The following DYNC1H1 variants were observed in gnomAD, a reference collection of about 807,000 sequenced individuals.
DYNC1H1 encodes cytoplasmic dynein 1 heavy chain 1.
A neutral mutation model predicts 527.1 loss-of-function variants in DYNC1H1; 51 were observed. The observed-to-expected ratio is 0.10, with a 90% confidence interval of 0.08 to 0.12. The LOEUF (loss-of-function observed/expected upper bound fraction) is 0.12, where lower values mean the gene tolerates loss of function less well. Among genes scored for constraint, DYNC1H1 ranks in the 10% least tolerant of loss-of-function variants. The pLI is 1.00. For synonymous variants in DYNC1H1, 2,189 were observed against 2,278.8 expected (o/e 0.96, Z 1.12); for missense variants, 2,771 against 5,971.8 (o/e 0.46, Z 17.66).
chr14:102,012,644 A>G lies in DYNC1H1; in HGVS notation c.7014+174A>G. ...ACTGCTAGATTTTTTTTCCATTTCC[A>G]TGGCTAGTGAGAAACATTTTAATAG... On this transcript the variant is annotated intron_variant, in intron 34 of 77. Transcript: ENST00000360184. This position sits in a 1 kb window ranked among gnomAD's most constrained non-coding sequence, Gnocchi z 4.9. The G allele has an allele frequency of 1.2e-6, 1 of 829,568 alleles. No individual in the cohort carries two copies. Among genetic ancestry groups the G allele is most frequent in the Non-Finnish European group, 2.0e-6 (1 of 509,654 alleles). 51.4% of individuals were successfully genotyped at this position (829,568 alleles called of 1,614,324 possible).
rs1474860778 is a variant in DYNC1H1, at chr14:102,052,731, C to G, written c.*2168C>G. ...GGGAGTGAGGAAGGGCTCGGCGGCC[C>G]TGGGGGTCTGGTCCTCCTCCGCCAT... On this transcript the variant is annotated 3_prime_UTR_variant, in exon 78 of 78. Transcript: ENST00000360184. The G allele has an allele frequency of 6.6e-6, 1 of 152,338 alleles. No individual in the cohort carries two copies. The highest frequency in any genetic ancestry group is 1.5e-5 in the Non-Finnish European group (1 of 68,128). 9.4% of individuals were successfully genotyped at this position (152,338 alleles called of 1,614,324 possible).
chr14:101,991,007 CAAAAAAA>C (rs113053648), intron 10 of DYNC1H1, among the ~76,000 whole-genome samples: 1 of 68,428 alleles, frequency 1.5e-5, no homozygotes, highest in South Asian at 4.3e-4. Context: ...GACTCCGTCT[CAAAAAAA>C]AAAAAAAAAA....
chr14:102,014,530 C>CAA (rs35266808), intron 34 of DYNC1H1, among the ~76,000 whole-genome samples: 50 of 114,500 alleles, frequency 4.4e-4, no homozygotes, highest in East Asian at 7.7e-4. Flanking sequence ...AACTCCATCT[C>CAA]AAAAAAAAAA....
intron 2 of DYNC1H1, among the ~76,000 whole-genome samples, chr14:101,978,085 C>T (rs1044364673): frequency 2.0e-5 from 3 of 152,156 alleles, no homozygotes; most frequent in Non-Finnish European, 2.9e-5. Context: ...GACGAAGTCT[C>T]GCTCTGTCGC....
chr14:102,047,063 G>A (rs1214200952), intron 72 of DYNC1H1, among the ~76,000 whole-genome samples: 5 of 140,858 alleles, frequency 3.5e-5, no homozygotes, highest in Non-Finnish European at 4.8e-5. Context: ...CCACAGTGCT[G>A]GGACTGTGGG....
chr14:102,020,068 C>T lies in DYNC1H1; in HGVS notation c.8507+12C>T. On this transcript the variant is annotated intron_variant, in intron 42 of 77. Coordinates refer to ENST00000360184, the MANE Select transcript of DYNC1H1 (RefSeq NM_001376.5). This position sits in a 1 kb window ranked among gnomAD's most constrained non-coding sequence, Gnocchi z 4.3. ...CTCTTCCAAGATAGGTAAGGGAAGC[C>T]GAGGATCCAGTTGGTCCCATTCTCC... is the stretch of plus-strand genomic sequence containing the variant. 2.5e-6 allele frequency: 4 copies of T among 1,613,854 alleles called. No homozygotes were observed. Among genetic ancestry groups the T allele is most frequent in the South Asian group, 1.1e-5 (1 of 91,068 alleles).
rs1335711922 is a variant in DYNC1H1 at position 102,000,086 on chromosome 14, A to G, written c.3902A>G (p.Lys1301Arg). The G allele has an allele frequency of 6.2e-7, 1 of 1,614,208 alleles. No homozygotes were observed. The highest frequency in any genetic ancestry group is 1.7e-5 in the Admixed American group (1 of 60,022). ...GACAGAGAGAAGTGTGCAAAGGCCAAGGAGGCGCTGGAATTGACAGATACT... is the reference window on the plus strand; with the variant it reads ...GACAGAGAGAAGTGTGCAAAGGCCAGGGAGGCGCTGGAATTGACAGATACT... ...KDDREKCAKA[K>R]EALELTDTGL... The change falls in exon 17 of 78, where the codon AAG (lysine) becomes AGG (arginine). Residue 1301 changes from lysine (K) to arginine (R), a missense_variant. Coordinates refer to ENST00000360184, the MANE Select transcript of DYNC1H1 (RefSeq NM_001376.5).
rs2048463341 is a variant in DYNC1H1, at chr14:102,027,441, G to A, written c.8945G>A (p.Arg2982His). 3.7e-6 allele frequency: 6 copies of A among 1,614,144 alleles called. No individual in the cohort carries two copies. The highest frequency in any genetic ancestry group is 5.1e-6 in the Non-Finnish European group (6 of 1,180,034). ...FDEDLRTVLR[R>H]SGCKNEKIAF... Reference sequence around the variant, plus strand: ...GAAGATCTACGGACAGTGTTGAGACGTTCTGGCTGTAAAAATGAAAAGATA... The same window carrying A: ...GAAGATCTACGGACAGTGTTGAGACATTCTGGCTGTAAAAATGAAAAGATA... Residue 2982 changes from arginine to histidine, a missense_variant, in exon 46 of 78, where the codon CGT becomes CAT. Around this residue, in one of 32 missense-constraint regions of DYNC1H1, gnomAD observed 84 missense variants for 285.4 expected, o/e 0.29. Coordinates refer to ENST00000360184, the MANE Select transcript of DYNC1H1 (RefSeq NM_001376.5). This position sits in a 1 kb window ranked among gnomAD's most constrained non-coding sequence, Gnocchi z 7.7.
chr14:102,030,055 A>AGTGT (rs1429604472), intron 50 of DYNC1H1, 107 bp from the exon 51 acceptor site: 1 of 1,560,750 alleles, frequency 6.4e-7, no homozygotes, highest in African/African-American at 1.7e-5. Context: ...GGAGGGAGAG[A>AGTGT]GAGTGTGTGT....
intron 62 of DYNC1H1, 94 bp from the exon 63 acceptor site, chr14:102,040,142 G>A: frequency 6.5e-7 from 1 of 1,543,342 alleles, no homozygotes; most frequent in South Asian, 1.1e-5. Context: ...ACTGTGCCCG[G>A]CCTGTTTTCT....
intron 29 of DYNC1H1, among the ~76,000 whole-genome samples, chr14:102,008,801 C>T (rs1019206161): frequency 6.6e-6 from 1 of 152,070 alleles, no homozygotes; most frequent in Non-Finnish European, 1.5e-5. Context: ...AAAAAGAAAC[C>T]CAGGACTGTA....
intron 18 of DYNC1H1, 76 bp downstream of exon 18, chr14:102,000,475 G>A: frequency 7.3e-7 from 1 of 1,361,494 alleles, no homozygotes; most frequent in East Asian, 2.4e-5. Flanking sequence ...GACAAGCCAA[G>A]TTTGTGTATT....
Position 102,044,129 on chromosome 14 carries a change from T to C in DYNC1H1, c.12684+84T>C, listed in dbSNP as rs1398774218. On this transcript the variant is annotated intron_variant, in intron 70 of 77. Transcript: ENST00000360184. This position sits in a 1 kb window ranked among gnomAD's most constrained non-coding sequence, Gnocchi z 7.1. ...GGCGTGGTGCTGAGAGGCCAGACTC[T>C]GCGTGGAAGAGCGAGCTGACCCCTC... is the stretch of plus-strand genomic sequence containing the variant. 49 of 1,593,506 alleles carry C rather than the reference T, an allele frequency of 3.1e-5. No homozygotes were observed. The highest frequency in any genetic ancestry group is 4.1e-5 in the Non-Finnish European group (48 of 1,173,576).
chr14:101,993,693 G>T (rs2048024256), intron 11 of DYNC1H1, among the ~76,000 whole-genome samples: 1 of 152,062 alleles, frequency 6.6e-6, no homozygotes, highest in Admixed American at 6.6e-5. Flanking sequence ...GGCCTTTCCT[G>T]ACGTCATTAC....
At position 102,044,394 on chromosome 14, in the gene DYNC1H1, C is replaced by T; in HGVS notation, c.12805C>T (p.Leu4269=). The T allele has an allele frequency of 6.2e-7, 1 of 1,614,188 alleles. No homozygotes were observed. Among genetic ancestry groups the T allele is most frequent in the Non-Finnish European group, 8.5e-7 (1 of 1,180,038 alleles). ...TGACCAGCGTCTGCTCAACACCTTC[C>T]TGGAGCGCCTGTTCACAACCAGGAG... The part of the protein sequence containing the change: ...EFDQRLLNTF[L]ERLFTTRSFD... Residue 4269 remains leucine (L), a synonymous_variant, in exon 71 of 78, where the codon CTG becomes TTG. Transcript: ENST00000360184. This position sits in a 1 kb window ranked among gnomAD's most constrained non-coding sequence, Gnocchi z 7.1.
At chr14:102,000,543 T>C in intron 18 of DYNC1H1, 144 bp downstream of exon 18, 1 of 764,488 alleles carries the variant, frequency 1.3e-6, no homozygotes, top group South Asian at 1.6e-5. Context: ...ACATTATTCG[T>C]CCAAAATACT....
intron 1 of DYNC1H1, among the ~76,000 whole-genome samples, chr14:101,971,084 TC>T (rs1321354209): frequency 1.5e-5 from 2 of 136,074 alleles, no homozygotes; most frequent in Non-Finnish European, 3.1e-5. Flanking sequence ...GCCGTATCAT[TC>T]TTTTTTTTTT....
rs1466858325 is a variant in DYNC1H1 at position 102,048,480 on chromosome 14, T to C, written c.13219-36T>C. ...ACCTTTACACTGGAGAAAGGACCTC[T>C]TCCTAACTTCTCTTCACCCTTTTGA... On this transcript the variant is annotated intron_variant, in intron 73 of 77. Coordinates refer to ENST00000360184, the MANE Select transcript of DYNC1H1 (RefSeq NM_001376.5). 5 of 1,613,722 alleles carry C rather than the reference T, an allele frequency of 3.1e-6. No homozygotes were observed. The East Asian group carries it at 8.9e-5, about 29-fold the overall frequency.
chr14:101,983,342 T>C lies in DYNC1H1; in HGVS notation c.1234-40T>C, dbSNP rs539198992. The C allele has an allele frequency of 2.6e-5, 42 of 1,614,132 alleles. 1 individual carries two copies. The South Asian group carries it at 3.5e-4, about 14-fold the overall frequency. ...ACCTCAAGACATTGAGATGAAAATATGTCTTAATAATAAGCCTCACTTTTG... is the reference window on the plus strand; with the variant it reads ...ACCTCAAGACATTGAGATGAAAATACGTCTTAATAATAAGCCTCACTTTTG... On this transcript the variant is annotated intron_variant, in intron 6 of 77. Coordinates refer to ENST00000360184, the MANE Select transcript of DYNC1H1 (RefSeq NM_001376.5). This position sits in a 1 kb window ranked among gnomAD's most constrained non-coding sequence, Gnocchi z 5.3.
Sources: allele counts gnomAD v4.1 joint callset (sites outside exome capture counted in the v4.1 genomes callset), GRCh38; gene constraint gnomAD v4.1.1; regional missense constraint gnomAD v4.1.1; non-coding constraint Gnocchi (gnomAD v3.1); transcripts MANE v1.5; gene names NCBI Gene and HGNC (gene_info 2026-07-23, HGNC 2026-07-21).